STK40: variants seen among roughly 807,000 people sequenced by gnomAD.
STK40 encodes the protein serine/threonine-protein kinase 40.
STK40 carries 13 observed loss-of-function variants against 47.9 expected under a neutral mutation model. The ratio of observed to expected loss-of-function variants is 0.27; its 90% confidence interval spans 0.18 to 0.43. The LOEUF (loss-of-function observed/expected upper bound fraction) is 0.43, where lower values mean the gene tolerates loss of function less well. STK40 is among the 20% of genes least tolerant of loss of function. The pLI is 1.00. For synonymous variants in STK40, 225 were observed against 243.2 expected, an observed-to-expected ratio of 0.93 and a Z score of 0.69; for missense variants, 460 against 595.1, an observed-to-expected ratio of 0.77 and a Z score of 2.36.
chr1:36,373,368 T>C (rs1265366391), intron 1 of STK40, among the ~76,000 whole-genome samples: 2 of 152,176 alleles, frequency 1.3e-5, no homozygotes, highest in Admixed American at 1.3e-4. Context: ...GTTTCCCAGA[T>C]TCTCTCTTTA....
intron 2 of STK40, 61 bp downstream of exon 2, chr1:36,361,157 CGAG>C: frequency 1.3e-6 from 2 of 1,583,426 alleles, no homozygotes; most frequent in South Asian, 2.2e-5. Flanking sequence ...TCAGATCATG[CGAG>C]CCAATGTGCC....
chr1:36,349,585 C>A (rs1646732739), intron 6 of STK40, among the ~76,000 whole-genome samples: 1 of 152,220 alleles, frequency 6.6e-6, no homozygotes, highest in Admixed American at 6.5e-5. Flanking sequence ...CCTTCTGTTC[C>A]ATCAAAGCTG....
chr1:36,366,752 A>G (rs1646905554), intron 1 of STK40, among the ~76,000 whole-genome samples: 1 of 151,602 alleles, frequency 6.6e-6, no homozygotes, highest in South Asian at 2.1e-4. Flanking sequence ...ATGGTCCACT[A>G]CTCGGTGCCC....
intron 7 of STK40, among the ~76,000 whole-genome samples, chr1:36,347,354 AAGGGGG>A (rs1475121145): frequency 6.6e-6 from 1 of 152,176 alleles, no homozygotes; most frequent in African/African-American, 2.4e-5. Context: ...GGCCAAGGAC[AAGGGGG>A]AAAGAGAAAG....
Position 36,343,882 on chromosome 1 carries a change from G to C in STK40, c.982C>G (p.Leu328Val). ...RLAAADVLEALSAIIASWQSL... is the reference protein window; with the variant it reads ...RLAAADVLEAVSAIIASWQSL... ...TACCATGATGCAATGATGGCACTGA[G>C]GGCCTCCAGGACGTCGGCGGCGGCC... The change falls in exon 9 of 11, where the codon CTC (leucine) becomes GTC (valine). Residue 328 changes from leucine to valine, a missense_variant. Coordinates refer to ENST00000373132, the MANE Select transcript of STK40 (RefSeq NM_001282547.2). 1 of 1,603,176 alleles carries C rather than the reference G, an allele frequency of 6.2e-7. No homozygotes were observed. The highest frequency in any genetic ancestry group is 8.5e-7 in the Non-Finnish European group (1 of 1,172,230).
At chr1:36,345,983 A>T (rs1646696392) in intron 7 of STK40, among the ~76,000 whole-genome samples, 4 of 9,724 alleles carry the variant, frequency 4.1e-4, no homozygotes, top group Admixed American at 1.7e-3. Flanking sequence ...ATATATATAT[A>T]TATATATATT....
chr1:36,382,984 T>C (rs942485800), intron 1 of STK40, among the ~76,000 whole-genome samples: 1 of 152,178 alleles, frequency 6.6e-6, no homozygotes, highest in Non-Finnish European at 1.5e-5. Context: ...GTTTCGCTCT[T>C]GTTGCCCAGG....
At chr1:36,382,255 C>T (rs1249948237) in intron 1 of STK40, among the ~76,000 whole-genome samples, 4 of 152,092 alleles carry the variant, frequency 2.6e-5, no homozygotes, top group Admixed American at 6.5e-5. Context: ...TCTCGGCTCA[C>T]TGCACCCTTG....
intron 1 of STK40, among the ~76,000 whole-genome samples, chr1:36,375,938 T>C (rs542842068): frequency 1.3e-5 from 2 of 152,070 alleles, no homozygotes; most frequent in East Asian, 3.9e-4. Context: ...AGGAGAATCA[T>C]TTGAACCCCA....
chr1:36,354,252 GTTGTT>G (rs1315048725), intron 6 of STK40, 107 bp downstream of exon 6: 2 of 1,155,936 alleles, frequency 1.7e-6, no homozygotes, highest in African/African-American at 1.5e-5. Context: ...GAGGAAGTGG[GTTGTT>G]TTGAGTCGGA....
At chr1:36,356,863 C>T (rs1646810811) in intron 4 of STK40, among the ~76,000 whole-genome samples, 1 of 152,126 alleles carries the variant, frequency 6.6e-6, no homozygotes, top group Non-Finnish European at 1.5e-5. Context: ...TAAGGCCAAG[C>T]TTCTGAAGAT....
At chr1:36,352,493 G>T (rs1218973855) in intron 6 of STK40, among the ~76,000 whole-genome samples, 1 of 152,128 alleles carries the variant, frequency 6.6e-6, no homozygotes. Context: ...ACACTCTCAC[G>T]GTCTCCAAGA....
rs187370000 is a variant in STK40, at chr1:36,366,410, C to T, written c.-8-5070G>A. 2.5e-3 allele frequency among the ~76,000 whole-genome samples: 388 copies of T among 152,272 alleles called. 2 individuals carry two copies. The highest frequency in any genetic ancestry group is 2.7e-3 in the Non-Finnish European group (184 of 68,020). ...CAAGGCTGCCTCCCTTCCTGCCACC[C>T]CTTCATGCTACCCAGAGTTGACTGA... On this transcript the variant is annotated intron_variant, in intron 1 of 10. Transcript: ENST00000373132.
At chr1:36,362,310 A>G (rs1043965137) in intron 1 of STK40, among the ~76,000 whole-genome samples, 5 of 152,232 alleles carry the variant, frequency 3.3e-5, no homozygotes, top group Non-Finnish European at 7.3e-5. Context: ...GACGAGTTCC[A>G]CATGGGGAAG....
chr1:36,379,289 C>T lies in STK40; in HGVS notation c.-9+6434G>A, dbSNP rs535620824. ...CTGGTGCTTTCCAACAACTAGAGTT[C>T]CTTTGAAACCGTCAGGCCTGTAGAC... On this transcript the variant is annotated intron_variant, in intron 1 of 10. Transcript: ENST00000373132. 2.9e-4 allele frequency among the ~76,000 whole-genome samples: 44 copies of T among 152,260 alleles called. No individual in the cohort carries two copies. The South Asian group carries it at 9.1e-3, about 32-fold the overall frequency.
Position 36,344,139 on chromosome 1 carries a change from C to T in STK40, c.865G>A (p.Ala289Thr). Residue 289 changes from alanine (A) to threonine (T), a missense_variant, in exon 8 of 11, where the codon GCC becomes ACC. By Grantham distance (58) the Ala-to-Thr change is moderately conservative. Around this residue, in one of 3 missense-constraint regions of STK40, gnomAD observed 181 missense variants for 218.9 expected, o/e 0.83. Coordinates refer to ENST00000373132, the MANE Select transcript of STK40 (RefSeq NM_001282547.2). ...PQELFRKIKA[A>T]EYTIPEDGRV... ...ACTCACTCAGGAATGGTATACTCGG[C>T]AGCCTTGATCTTGCGGAAGAGCTCC... is the stretch of plus-strand genomic sequence containing the variant. 1 of 1,610,138 alleles carries T rather than the reference C, an allele frequency of 6.2e-7. No individual in the cohort carries two copies. Among genetic ancestry groups the T allele is most frequent in the Non-Finnish European group, 8.5e-7 (1 of 1,178,374 alleles).
At chr1:36,357,922 G>A (rs961995174) in intron 4 of STK40, among the ~76,000 whole-genome samples, 5 of 152,162 alleles carry the variant, frequency 3.3e-5, no homozygotes, top group African/African-American at 1.2e-4. Context: ...GCCTGGGCCC[G>A]GGTGTCTTTA....
intron 1 of STK40, among the ~76,000 whole-genome samples, chr1:36,380,139 C>G (rs1161755114): frequency 2.0e-5 from 3 of 152,194 alleles, no homozygotes; most frequent in Non-Finnish European, 4.4e-5. Context: ...GATTACAGAG[C>G]CTGGGAGGAT....
intron 5 of STK40, 83 bp downstream of exon 5, chr1:36,355,123 G>C (rs967621479): frequency 2.1e-5 from 30 of 1,418,826 alleles, no homozygotes; most frequent in African/African-American, 2.8e-5. Context: ...TGGGTGCACA[G>C]GACAGAGCTG....
Sources: allele counts gnomAD v4.1 joint callset (sites outside exome capture counted in the v4.1 genomes callset), GRCh38; gene constraint gnomAD v4.1.1; regional missense constraint gnomAD v4.1.1; transcripts MANE v1.5; gene names NCBI Gene and HGNC (gene_info 2026-07-23, HGNC 2026-07-21).